Variants in CC2D2A observed in about 807,000 individuals in gnomAD.
CC2D2A encodes coiled-coil and C2 domain containing 2A.
CC2D2A carries 155 observed loss-of-function variants against 212.9 expected under a neutral mutation model. That is an observed-to-expected ratio of 0.73 (90% CI 0.64 to 0.83). CC2D2A has a LOEUF of 0.83. Ranked by LOEUF, CC2D2A falls within the 40% of genes least tolerant of loss-of-function variation. CC2D2A has a pLI of 0.00. For synonymous variants in CC2D2A, 667 were observed against 686.5 expected (o/e 0.97, Z 0.44); for missense variants, 1,856 against 1,956.2 (o/e 0.95, Z 0.97).
chr4:15,578,811 TGTTTG>T (rs765480322), intron 29 of CC2D2A, among the ~76,000 whole-genome samples: 62 of 130,938 alleles, frequency 4.7e-4, no homozygotes, highest in South Asian at 1.7e-3. Flanking sequence ...TTTGTTTGTT[TGTTTG>T]TTTTTAATAG....
At chr4:15,511,759 A>G (rs548421449) in intron 8 of CC2D2A, 1 of 158,466 alleles carries the variant, frequency 6.3e-6, no homozygotes, top group East Asian at 1.8e-4. Context: ...CTGCAAGGCA[A>G]ATGAAATCTT....
intron 22 of CC2D2A, among the ~76,000 whole-genome samples, chr4:15,559,750 T>C (rs766414454): frequency 1.1e-4 from 17 of 152,120 alleles, no homozygotes; most frequent in Non-Finnish European, 1.3e-4. Context: ...CCCCATCCAG[T>C]GTTATCTACC....
At chr4:15,479,153 T>C in intron 3 of CC2D2A, 1 of 1,132,758 alleles carries the variant, frequency 8.8e-7, no homozygotes, top group Non-Finnish European at 1.3e-6. Flanking sequence ...TAGATGGCAG[T>C]ACACGATTAC....
At chr4:15,554,490 T>C (rs1719175973) in intron 19 of CC2D2A, among the ~76,000 whole-genome samples, 2 of 152,134 alleles carry the variant, frequency 1.3e-5, no homozygotes, top group Admixed American at 1.3e-4. Flanking sequence ...CTAGCCAACA[T>C]GGCAAAACCC....
chr4:15,488,556 G>A (rs778444341), intron 4 of CC2D2A, among the ~76,000 whole-genome samples: 1 of 152,154 alleles, frequency 6.6e-6, no homozygotes, highest in Non-Finnish European at 1.5e-5. Context: ...AGTCTTAGGG[G>A]ATTTGAATGT....
chr4:15,591,106 T>A (rs1468806896), intron 33 of CC2D2A, among the ~76,000 whole-genome samples: 1 of 152,210 alleles, frequency 6.6e-6, no homozygotes, highest in Non-Finnish European at 1.5e-5. Context: ...CATATTTTTA[T>A]GAATTATATA....
intron 17 of CC2D2A, among the ~76,000 whole-genome samples, chr4:15,547,338 T>C (rs1171347511): frequency 6.6e-6 from 1 of 152,244 alleles, no homozygotes; most frequent in African/African-American, 2.4e-5. Context: ...CTTCTAGCTA[T>C]TTTGAAATAT....
chr4:15,482,691 A>AG lies in CC2D2A; in HGVS notation c.247+1870dup, dbSNP rs568394853. On this transcript the variant is annotated intron_variant, in intron 4 of 36. Transcript: ENST00000424120. ...AAGGCTTCAACATACAGATTTTCAG[A>AG]GGGGGGACACAATTCAGTCCTTAGC... Among the ~76,000 whole-genome samples the AG allele has an allele frequency of 7.7e-4, 117 of 152,242 alleles. 1 individual carries two copies. Among genetic ancestry groups the AG allele is most frequent in the African/African-American group, 2.7e-3 (112 of 41,532 alleles).
intron 4 of CC2D2A, among the ~76,000 whole-genome samples, chr4:15,493,144 T>C (rs1481151927): frequency 2.0e-5 from 3 of 152,186 alleles, no homozygotes; most frequent in Non-Finnish European, 4.4e-5. Context: ...ACCCTACCTG[T>C]ACCTGAAATT....
At chr4:15,512,799 A>G (rs1305613313) in intron 8 of CC2D2A, among the ~76,000 whole-genome samples, 1 of 152,144 alleles carries the variant, frequency 6.6e-6, no homozygotes, top group Non-Finnish European at 1.5e-5. Flanking sequence ...CTAAAATTAC[A>G]AAAATTAGCT....
At chr4:15,543,600 A>G (rs911163149) in intron 17 of CC2D2A, 1 of 152,198 alleles carries the variant, frequency 6.6e-6, no homozygotes. Context: ...GAGTTGCCCA[A>G]CTCTGCACTG....
In CC2D2A at chr4:15,559,354, A is replaced by G. The variant is rs1204463840; in HGVS notation, c.2922+97A>G. 1.4e-5 allele frequency: 10 copies of G among 734,776 alleles called. No homozygotes were observed. In the East Asian group the frequency reaches 2.5e-4, roughly 18 times the overall value. The allele number at this position is 734,776 out of a possible 1,614,324, so 45.5% of individuals were successfully genotyped here. On this transcript the variant is annotated intron_variant, in intron 22 of 36. Coordinates refer to ENST00000424120, the MANE Select transcript of CC2D2A (RefSeq NM_001378615.1). Reference sequence around the variant, plus strand: ...CTCTTTTAAATATCTATGTGAGCTTATGCAAGCCACTTAGCTTGCATAAAT... The same window carrying G: ...CTCTTTTAAATATCTATGTGAGCTTGTGCAAGCCACTTAGCTTGCATAAAT...
intron 34 of CC2D2A, 27 bp from the exon 35 acceptor site, chr4:15,597,380 C>T: frequency 6.6e-7 from 1 of 1,517,454 alleles, no homozygotes; most frequent in South Asian, 1.2e-5. Flanking sequence ...GATTTTTATA[C>T]TTTCTGAACT....
At position 15,511,302 on chromosome 4, in the gene CC2D2A, T is replaced by C. The variant is rs1326820815; in HGVS notation, c.596T>C (p.Phe199Ser). 3.7e-6 allele frequency: 6 copies of C among 1,601,522 alleles called. No homozygotes were observed. In the Admixed American group the frequency reaches 6.9e-5, roughly 19 times the overall value. Residue 199 changes from phenylalanine to serine, a missense_variant, in exon 8 of 37, where the codon TTT (phenylalanine) becomes TCT (serine). Coordinates refer to ENST00000424120, the MANE Select transcript of CC2D2A (RefSeq NM_001378615.1). ...GCCTATAACTTCTTTACTTTCAACT[T>C]TGATCCCGAACCAGAAGGATCAGAG... ...EEAYNFFTFN[F>S]DPEPEGSEEK...
At chr4:15,499,731 GA>G (rs1715815730) in intron 4 of CC2D2A, among the ~76,000 whole-genome samples, 1 of 152,042 alleles carries the variant, frequency 6.6e-6, no homozygotes, top group South Asian at 2.1e-4. Flanking sequence ...TATTAGTTTT[GA>G]AAAAGGCTTC....
At chr4:15,513,566 T>C (rs186426758) in intron 8 of CC2D2A, among the ~76,000 whole-genome samples, 3 of 152,358 alleles carry the variant, frequency 2.0e-5, no homozygotes, top group Non-Finnish European at 4.4e-5. Flanking sequence ...CTATAGTCCA[T>C]GCTCTGCTCT....
At chr4:15,520,746 G>A (rs571643236) in intron 11 of CC2D2A, among the ~76,000 whole-genome samples, 6 of 152,168 alleles carry the variant, frequency 3.9e-5, no homozygotes, top group Middle Eastern at 3.4e-3. Context: ...TAAGCTAAGC[G>A]GCTCTGGTGT....
At chr4:15,516,154 T>C (rs1716861085) in intron 10 of CC2D2A, 150 bp downstream of exon 10, 1 of 741,362 alleles carries the variant, frequency 1.3e-6, no homozygotes, top group Non-Finnish European at 2.0e-6. Context: ...TTTAACTTTC[T>C]CTCTCAGTAC....
chr4:15,517,049 G>A (rs368666073), intron 11 of CC2D2A, among the ~76,000 whole-genome samples: 108 of 143,706 alleles, frequency 7.5e-4, no homozygotes, highest in African/African-American at 2.7e-3. Context: ...CCGGGTTCAC[G>A]CCATTCTCCT....
Sources: allele counts gnomAD v4.1 joint callset (sites outside exome capture counted in the v4.1 genomes callset), GRCh38; gene constraint gnomAD v4.1.1; transcripts MANE v1.5; gene names NCBI Gene and HGNC (gene_info 2026-07-23, HGNC 2026-07-21).